The following PCDHA13 variants were observed in gnomAD, a reference collection of about 807,000 sequenced individuals.
PCDHA13 encodes the protein protocadherin alpha 13, also known as protocadherin alpha-13.
In PCDHA13, 54 loss-of-function variants were observed where a neutral mutation model predicts 64.8. The ratio of observed to expected loss-of-function variants is 0.83; its 90% CI spans 0.67 to 1.04. PCDHA13 has a LOEUF of 1.04. PCDHA13 is among the 50% of genes least tolerant of loss of function. The probability of loss-of-function intolerance (pLI) is 0.00; values close to 1 mark genes in which losing one functional copy is unlikely to be tolerated. For synonymous variants in PCDHA13, 587 were observed against 564.4 expected, an observed-to-expected ratio of 1.04 and a Z score of -0.57; for missense variants, 1,248 against 1,254.3, an observed-to-expected ratio of 0.99 and a Z score of 0.08.
At chr5:141,001,122 TAAAC>T (rs1274933487) in intron 3 of PCDHA13, among the ~76,000 whole-genome samples, 1 of 152,154 alleles carries the variant, frequency 6.6e-6, no homozygotes, top group African/African-American at 2.4e-5. Flanking sequence ...CAATAGTCCT[TAAAC>T]AAATGAATCT....
intron 1 of PCDHA13, among the ~76,000 whole-genome samples, chr5:140,940,510 G>A (rs1477590604): frequency 4.0e-5 from 6 of 151,894 alleles, no homozygotes; most frequent in African/African-American, 9.7e-5. Context: ...TCGCTCAGGC[G>A]TGATCATAGC....
chr5:140,923,189 C>T (rs1452451112), intron 1 of PCDHA13, among the ~76,000 whole-genome samples: 4 of 152,092 alleles, frequency 2.6e-5, no homozygotes, highest in Admixed American at 6.5e-5. Context: ...GCATCTACTG[C>T]AGCAATTTGG....
At chr5:140,909,747 G>T (rs1554193902) in intron 1 of PCDHA13, among the ~76,000 whole-genome samples, 1 of 152,146 alleles carries the variant, frequency 6.6e-6, no homozygotes, top group East Asian at 1.9e-4. Context: ...CTGGGGAAAT[G>T]ACCACAGGAT....
chr5:140,884,206 C>A lies in PCDHA13; in HGVS notation c.1938C>A (p.Arg646=). The part of the protein sequence containing the change: ...PLDEVDAPHH[R]LLVLVKDHGE... Reference sequence around the variant, plus strand: ...ACGAGGTGGACGCGCCGCACCACCGCCTTCTGGTGCTGGTGAAGGACCACG... The same window carrying A: ...ACGAGGTGGACGCGCCGCACCACCGACTTCTGGTGCTGGTGAAGGACCACG... Residue 646 remains arginine (R), a synonymous_variant, in exon 1 of 4, where the codon CGC becomes CGA. Transcript: ENST00000289272. 6.2e-7 allele frequency: 1 copy of A among 1,613,542 alleles called. No homozygotes were observed. The highest frequency in any genetic ancestry group is 1.7e-5 in the Admixed American group (1 of 60,004).
At chr5:140,948,447 A>G (rs2094256090) in intron 1 of PCDHA13, among the ~76,000 whole-genome samples, 1 of 151,282 alleles carries the variant, frequency 6.6e-6, no homozygotes, top group Non-Finnish European at 1.5e-5. Flanking sequence ...TGTGCCAGGG[A>G]TTTTCTTTTA....
intron 1 of PCDHA13, among the ~76,000 whole-genome samples, chr5:140,891,204 C>T (rs2153433269): frequency 6.6e-6 from 1 of 152,078 alleles, no homozygotes; most frequent in South Asian, 2.1e-4. Flanking sequence ...GCAGTTTTAC[C>T]ATGCTGTGTC....
intron 3 of PCDHA13, among the ~76,000 whole-genome samples, chr5:140,996,757 G>A (rs2097743678): frequency 6.6e-6 from 1 of 152,014 alleles, no homozygotes; most frequent in South Asian, 2.1e-4. Context: ...TATCTGTGCA[G>A]GACTAAAATA....
At position 141,009,800 on chromosome 5, in the gene PCDHA13, A is replaced by G. The variant is rs148436868; in HGVS notation, c.2716A>G (p.Ser906Gly). The stretch of plus-strand genomic sequence containing the variant: ...CTCCATCCGGCAGGAGCCTACTAAC[A>G]GCCAAATTGACAAAAGTGACTTCAT... ...IISIRQEPTN[S>G]QIDKSDFITF... The change falls in exon 4 of 4, where the codon AGC (serine) becomes GGC (glycine). Residue 906 changes from serine to glycine, a missense_variant. By Grantham distance (56) the Ser-to-Gly change is moderately conservative (BLOSUM62 0). Coordinates refer to ENST00000289272, the MANE Select transcript of PCDHA13 (RefSeq NM_018904.3). 1.2e-4 allele frequency: 190 copies of G among 1,614,158 alleles called. No individual in the cohort carries two copies. In the African/African-American group the frequency reaches 2.3e-3, roughly 19 times the overall value.
At chr5:140,986,583 T>C (rs1265983211) in intron 3 of PCDHA13, among the ~76,000 whole-genome samples, 1 of 152,170 alleles carries the variant, frequency 6.6e-6, no homozygotes, top group African/African-American at 2.4e-5. Flanking sequence ...TTTTTCCAGC[T>C]CCTCTTTCTA....
chr5:140,883,746 C>A lies in PCDHA13; in HGVS notation c.1478C>A (p.Ser493Ter), dbSNP rs1554179687. The A allele has an allele frequency of 6.2e-7, 1 of 1,613,326 alleles. No individual in the cohort carries two copies. The highest frequency in any genetic ancestry group is 8.5e-7 in the Non-Finnish European group (1 of 1,179,830). ...CAGGAGAACGCGCTGGTCTCCTACT[C>A]GCTGGTGGAGCGGCGGGTGGGCGAG... ...DAQENALVSY[S>*]LVERRVGERA... Residue 493 changes from serine to a stop codon, truncating the protein, a stop_gained, in exon 1 of 4, where the codon TCG becomes TAG. Transcript: ENST00000289272. LOFTEE classifies it high-confidence loss of function.
At chr5:140,981,223 T>C (rs1472733562) in intron 2 of PCDHA13, among the ~76,000 whole-genome samples, 2 of 152,234 alleles carry the variant, frequency 1.3e-5, no homozygotes, top group Non-Finnish European at 2.9e-5. Context: ...CTTTAGTCAG[T>C]AGTCTAAATT....
At chr5:140,997,918 A>G (rs2097790482) in intron 3 of PCDHA13, among the ~76,000 whole-genome samples, 1 of 152,220 alleles carries the variant, frequency 6.6e-6, no homozygotes, top group South Asian at 2.1e-4. Context: ...TTACAGAATC[A>G]TAGGATATAA....
intron 3 of PCDHA13, among the ~76,000 whole-genome samples, chr5:140,993,629 T>G (rs1359195159): frequency 5.9e-5 from 9 of 152,160 alleles, no homozygotes; most frequent in Non-Finnish European, 1.0e-4. Flanking sequence ...CTATATATAG[T>G]CGTGTACCAA....
chr5:140,971,182 G>A (rs1158073557), intron 1 of PCDHA13, among the ~76,000 whole-genome samples: 7 of 152,110 alleles, frequency 4.6e-5, no homozygotes, highest in Admixed American at 1.3e-4. Flanking sequence ...GCTGTAAGCC[G>A]GAAGCTCAGA....
intron 2 of PCDHA13, among the ~76,000 whole-genome samples, chr5:140,979,725 G>A (rs2096861699): frequency 6.6e-6 from 1 of 152,136 alleles, no homozygotes; most frequent in South Asian, 2.1e-4. Context: ...CCATGCCATG[G>A]GGCCAAATAA....
intron 1 of PCDHA13, chr5:140,926,320 C>G (rs555057115): frequency 2.5e-3 from 377 of 152,358 alleles, no homozygotes; most frequent in Non-Finnish European, 3.8e-3. Flanking sequence ...AGAGGTGCGC[C>G]GGGGTCAGAG....
intron 3 of PCDHA13, among the ~76,000 whole-genome samples, chr5:140,986,867 C>A (rs1238623584): frequency 6.6e-6 from 1 of 152,140 alleles, no homozygotes; most frequent in Non-Finnish European, 1.5e-5. Flanking sequence ...TACCCGGAAA[C>A]TTGTTAGAAA....
chr5:140,984,386 A>G (rs2097099955), intron 3 of PCDHA13, among the ~76,000 whole-genome samples: 1 of 152,202 alleles, frequency 6.6e-6, no homozygotes, highest in South Asian at 2.1e-4. Flanking sequence ...TTCAGATTCA[A>G]AAAATGTTGA....
At chr5:140,989,363 T>A (rs2097339689) in intron 3 of PCDHA13, among the ~76,000 whole-genome samples, 1 of 152,158 alleles carries the variant, frequency 6.6e-6, no homozygotes, top group Non-Finnish European at 1.5e-5. Flanking sequence ...GTCACCTGTG[T>A]GACTGAGAGC....
Sources: allele counts gnomAD v4.1 joint callset (sites outside exome capture counted in the v4.1 genomes callset), GRCh38; gene constraint gnomAD v4.1.1; transcripts MANE v1.5; gene names NCBI Gene and HGNC (gene_info 2026-07-23, HGNC 2026-07-21).